The following CCDC66 variants were observed in gnomAD, a reference collection of about 807,000 sequenced individuals.
CCDC66 encodes the protein coiled-coil domain-containing protein 66.
A neutral mutation model predicts 128.3 loss-of-function variants in CCDC66; 133 were observed. The observed-to-expected ratio is 1.04, with a 90% CI of 0.90 to 1.20. The LOEUF is 1.20. Ranked by LOEUF, CCDC66 falls within the 50% of genes most tolerant of loss-of-function variation. The pLI is 0.00. For missense variants in CCDC66, 1,126 were observed against 1,075.5 expected, an observed-to-expected ratio of 1.05 and a Z score of -0.66; for synonymous variants, 387 against 357.0, an observed-to-expected ratio of 1.08 and a Z score of -0.95.
intron 10 of CCDC66, among the ~76,000 whole-genome samples, chr3:56,611,687 C>T (rs1431348297): frequency 2.0e-5 from 3 of 152,028 alleles, no homozygotes; most frequent in East Asian, 1.9e-4. Context: ...GGCCACCCTC[C>T]TGATGGATCC....
chr3:56,557,193 A>T lies in CCDC66; in HGVS notation c.-50A>T, dbSNP rs150427964. 87 of 1,551,090 alleles carry T rather than the reference A, an allele frequency of 5.6e-5. 1 individual carries two copies. The Admixed American group carries it at 7.3e-4, about 13-fold the overall frequency. On this transcript the variant is annotated 5_prime_UTR_variant, in exon 1 of 18. Transcript: ENST00000394672. The stretch of plus-strand genomic sequence containing the variant: ...GCTTGCTGAGCGGCGGCGGCAACCG[A>T]CGTACACAAGGGGCTTGAGCGTTCT...
chr3:56,620,579 T>C (rs541298632), intron 17 of CCDC66: 2 of 152,352 alleles, frequency 1.3e-5, no homozygotes, highest in South Asian at 2.1e-4. Context: ...TTTCAAAATG[T>C]TGACTCAGAT....
chr3:56,617,686 C>A, intron 14 of CCDC66, 81 bp downstream of exon 14: 1 of 1,474,462 alleles, frequency 6.8e-7, no homozygotes, highest in Non-Finnish European at 9.1e-7. Flanking sequence ...TTTGGTAAGG[C>A]TGTTCTGATC....
chr3:56,605,963 C>G (rs1577893439), intron 10 of CCDC66, among the ~76,000 whole-genome samples: 1 of 66,222 alleles, frequency 1.5e-5, no homozygotes, highest in Non-Finnish European at 2.8e-5. Flanking sequence ...TTCAGAGATT[C>G]CCTGTCCAAA....
intron 4 of CCDC66, 75 bp from the exon 5 acceptor site, chr3:56,566,519 C>T (rs1270292792): frequency 2.2e-6 from 2 of 902,978 alleles, no homozygotes; most frequent in Admixed American, 4.6e-5. Context: ...CATGTAAGAA[C>T]TGTATAGCAC....
At chr3:56,562,111 G>A (rs2065182906) in intron 3 of CCDC66, among the ~76,000 whole-genome samples, 1 of 151,670 alleles carries the variant, frequency 6.6e-6, no homozygotes, top group Non-Finnish European at 1.5e-5. Context: ...GACAATTATG[G>A]CTCACTGCAG....
chr3:56,571,128 G>A (rs1368792614), intron 6 of CCDC66, 53 bp from the exon 7 acceptor site: 23 of 1,341,546 alleles, frequency 1.7e-5, no homozygotes, highest in South Asian at 1.3e-4. Context: ...TTGTTTACAT[G>A]GTTCTGTTTT....
chr3:56,617,522 CAA>C lies in CCDC66; in HGVS notation c.2257_2258del (p.Asn753GlnfsTer68), dbSNP rs1241219498. ...VEKNNPGHLS[Q>X]NRGISPEIFH... ...AAAAAATAATCCTGGGCACCTCTCT[CAA>C]AACAGAGGCATTTCACCAGAAATTT... On this transcript the variant is annotated frameshift_variant, in exon 14 of 18. Coordinates refer to ENST00000394672, the MANE Select transcript of CCDC66 (RefSeq NM_001141947.3). LOFTEE classifies it high-confidence loss of function. 6.2e-7 allele frequency: 1 copy of C among 1,612,962 alleles called. No homozygotes were observed. Among genetic ancestry groups the C allele is most frequent in the Non-Finnish European group, 8.5e-7 (1 of 1,179,786 alleles).
At chr3:56,593,180 A>T (rs1449344622) in intron 8 of CCDC66, 79 bp downstream of exon 8, 9 of 1,204,022 alleles carry the variant, frequency 7.5e-6, no homozygotes, top group Non-Finnish European at 6.9e-6. Context: ...AAGTATTCTG[A>T]AACTCTTGAC....
At chr3:56,616,160 G>GT in intron 13 of CCDC66, 107 bp downstream of exon 13, 1 of 984,122 alleles carries the variant, frequency 1.0e-6, no homozygotes, top group Non-Finnish European at 1.5e-6. Flanking sequence ...AAAACTTGAG[G>GT]TTTTCAGTAA....
intron 7 of CCDC66, among the ~76,000 whole-genome samples, chr3:56,586,889 C>T (rs1404987598): frequency 1.3e-5 from 2 of 151,672 alleles, no homozygotes; most frequent in African/African-American, 2.4e-5. Flanking sequence ...GCCTCCACAA[C>T]ACAAAAAAAC....
intron 14 of CCDC66, 70 bp downstream of exon 14, chr3:56,617,675 C>G (rs2075686966): frequency 2.0e-6 from 3 of 1,513,530 alleles, no homozygotes; most frequent in Non-Finnish European, 2.7e-6. Context: ...CATACGTATG[C>G]TTTGGTAAGG....
chr3:56,602,862 T>C lies in CCDC66; in HGVS notation c.1404+8834T>C, dbSNP rs1037406865. The stretch of plus-strand genomic sequence containing the variant: ...TTTTTTTTTTTTTTTTGAGACAGAG[T>C]GTTGCTCTGTCACCCAGGCTGGAGT... On this transcript the variant is annotated intron_variant, in intron 10 of 17. Transcript: ENST00000394672. Among the ~76,000 whole-genome samples the C allele has an allele frequency of 1.3e-3, 172 of 133,558 alleles. 3 individuals are homozygous for C. The highest frequency in any genetic ancestry group is 4.8e-3 in the African/African-American group (165 of 34,708). The allele number at this position is 133,558 out of a possible 152,430, so 87.6% of individuals were successfully genotyped here. A position where few individuals can be genotyped will look rare whatever the true frequency, so the allele number is the denominator to read the frequency against.
intron 7 of CCDC66, among the ~76,000 whole-genome samples, chr3:56,586,789 A>G (rs1428008321): frequency 2.6e-5 from 4 of 151,594 alleles, no homozygotes; most frequent in East Asian, 2.0e-4. Flanking sequence ...GCTCATGCCT[A>G]TAAGCCCAGC....
At chr3:56,560,860 A>G (rs778068434) in intron 3 of CCDC66, 16 of 455,772 alleles carry the variant, frequency 3.5e-5, no homozygotes, top group Non-Finnish European at 7.1e-5. Context: ...TTATCTTTGC[A>G]GTGTCTTAAA....
rs2066563889 is a variant in CCDC66 at position 56,571,180 on chromosome 3, G to T, written c.815-1G>T. On this transcript the variant is annotated splice_acceptor_variant, in intron 6 of 17. Transcript: ENST00000394672. LOFTEE classifies it high-confidence loss of function. ...TTTTTTAAAAAGGACATTATTTACA[G>T]ATGAACAGGTTGCTTTAAAGAAGAA... The T allele has an allele frequency of 1.3e-6, 2 of 1,509,862 alleles. No homozygotes were observed. The highest frequency in any genetic ancestry group is 1.7e-4 in the Middle Eastern group (1 of 5,766). 93.5% of individuals were successfully genotyped at this position (1,509,862 alleles called of 1,614,324 possible). A position where few individuals can be genotyped will look rare whatever the true frequency, so the allele number is the denominator to read the frequency against.
At chr3:56,609,136 A>C (rs1360811316) in intron 10 of CCDC66, among the ~76,000 whole-genome samples, 1 of 152,162 alleles carries the variant, frequency 6.6e-6, no homozygotes, top group African/African-American at 2.4e-5. Flanking sequence ...GTTCCAGGGT[A>C]TAGTTTAAAT....
At chr3:56,574,031 T>A (rs2067020214) in intron 7 of CCDC66, among the ~76,000 whole-genome samples, 1 of 151,736 alleles carries the variant, frequency 6.6e-6, no homozygotes, top group Admixed American at 6.6e-5. Flanking sequence ...AACCAAGAGT[T>A]AAAAGAGTAT....
chr3:56,588,536 A>G (rs1026264382), intron 7 of CCDC66, among the ~76,000 whole-genome samples: 3 of 152,184 alleles, frequency 2.0e-5, no homozygotes, highest in Non-Finnish European at 2.9e-5. Context: ...GCATCAACCT[A>G]AAAAATAAAA....
Sources: gnomAD v4.1 joint callset for allele counts (sites outside exome capture counted in the v4.1 genomes callset) on GRCh38, gnomAD v4.1.1 for gene constraint, MANE v1.5 for transcripts, NCBI Gene and HGNC (gene_info 2026-07-23, HGNC 2026-07-21) for gene names.